Variants in ARHGAP6 observed in about 807,000 individuals in gnomAD.
ARHGAP6 encodes Rho GTPase activating protein 6.
A neutral mutation model predicts 55.7 loss-of-function variants in ARHGAP6; 16 were observed. The observed-to-expected ratio is 0.29, with a 90% CI of 0.19 to 0.44. The LOEUF (loss-of-function observed/expected upper bound fraction) is 0.44, where lower values mean the gene tolerates loss of function less well. Among genes scored for constraint, ARHGAP6 ranks in the 20% least tolerant of loss-of-function variants. The pLI, the probability that ARHGAP6 is intolerant of heterozygous loss-of-function variation, is 1.00. For synonymous variants in ARHGAP6, 382 were observed against 360.9 expected (o/e 1.06, Z -0.66); for missense variants, 698 against 808.9 (o/e 0.86, Z 1.66).
At chrX:11,299,314 A>T (rs2048139290) in intron 1 of ARHGAP6, among the ~76,000 whole-genome samples, 1 of 112,209 alleles carries the variant, frequency 8.9e-6, no homozygotes, top group Admixed American at 9.4e-5. Context: ...AGTTCTCCTT[A>T]TATTTCAAAG....
intron 1 of ARHGAP6, among the ~76,000 whole-genome samples, chrX:11,404,115 C>T (rs1387158687): frequency 1.8e-5 from 2 of 111,622 alleles, no homozygotes; most frequent in African/African-American, 6.5e-5. Context: ...CTTTAATTTC[C>T]ACCACTTAAC....
At chrX:11,347,252 T>C (rs998204765) in intron 1 of ARHGAP6, among the ~76,000 whole-genome samples, 27 of 112,373 alleles carry the variant, frequency 2.4e-4, no homozygotes, top group African/African-American at 8.1e-4. Context: ...ATTACTTCTA[T>C]AGGGAGTAAA....
intron 1 of ARHGAP6, among the ~76,000 whole-genome samples, chrX:11,592,926 C>T (rs1435038283): frequency 2.7e-5 from 3 of 111,473 alleles, no homozygotes; most frequent in African/African-American, 9.8e-5. Context: ...TCTATTACAG[C>T]ATATTTGTGC....
chrX:11,333,059 CGAA>C (rs1569303513), intron 1 of ARHGAP6, among the ~76,000 whole-genome samples: 1 of 111,916 alleles, frequency 8.9e-6, no homozygotes, highest in Non-Finnish European at 1.9e-5. Flanking sequence ...ACACAATCAT[CGAA>C]GAAGATGCTC....
intron 1 of ARHGAP6, among the ~76,000 whole-genome samples, chrX:11,321,047 T>A (rs183916334): frequency 4.2e-4 from 47 of 111,630 alleles, no homozygotes; most frequent in African/African-American, 1.5e-3. Flanking sequence ...TCAGCCAACA[T>A]TGAAATAAAG....
chrX:11,639,596 AT>A (rs1186525613), intron 1 of ARHGAP6, among the ~76,000 whole-genome samples: 1 of 111,515 alleles, frequency 9.0e-6, no homozygotes, highest in Non-Finnish European at 1.9e-5. Flanking sequence ...CCACAAAAAA[AT>A]ATGCCTTCTT....
intron 1 of ARHGAP6, among the ~76,000 whole-genome samples, chrX:11,530,924 C>T (rs3884621): frequency 0.1 from 11,207 of 110,891 alleles, 696 homozygotes; most frequent in African/African-American, 0.22. Context: ...CTTTGCAGTT[C>T]AATTATAGCA....
rs1556118499 is a variant in ARHGAP6, at chrX:11,590,853, A to AAG, written c.588+73387_588+73388insCT. ...AAAGAAAAGAAAAGAAAAGAAAAGA[A>AAG]AAGAAAAGAAAAGAAGGAAAGAAAG... On this transcript the variant is annotated intron_variant, in intron 1 of 12. Coordinates refer to ENST00000337414, the MANE Select transcript of ARHGAP6 (RefSeq NM_013427.3). Among the ~76,000 whole-genome samples, 21 of 42,395 alleles carry AAG rather than the reference A, an allele frequency of 5.0e-4. 4 individuals are homozygous for AAG. Among genetic ancestry groups the AAG allele is most frequent in the African/African-American group, 2.9e-3 (18 of 6,143 alleles). The allele number at this position is 42,395 out of a possible 115,157, so 36.8% of individuals were successfully genotyped here.
At chrX:11,629,390 G>A (rs1313608302) in intron 1 of ARHGAP6, among the ~76,000 whole-genome samples, 3 of 110,816 alleles carry the variant, frequency 2.7e-5, no homozygotes, top group East Asian at 5.6e-4. Context: ...GCTCTTTGTG[G>A]TCATTTTTCA....
At chrX:11,364,216 G>C (rs2049046805) in intron 1 of ARHGAP6, among the ~76,000 whole-genome samples, 1 of 110,269 alleles carries the variant, frequency 9.1e-6, no homozygotes, top group South Asian at 3.9e-4. Context: ...GTGGAGGGTG[G>C]GAGGAGAGTG....
chrX:11,573,392 C>T (rs1323953697), intron 1 of ARHGAP6, among the ~76,000 whole-genome samples: 1 of 110,583 alleles, frequency 9.0e-6, no homozygotes, highest in Non-Finnish European at 1.9e-5. Flanking sequence ...CCAGTTTCAG[C>T]CTTCTACATA....
At chrX:11,194,408 C>T (rs1309908762) in intron 3 of ARHGAP6, among the ~76,000 whole-genome samples, 2 of 111,731 alleles carry the variant, frequency 1.8e-5, no homozygotes, top group Non-Finnish European at 3.8e-5. Flanking sequence ...TAAAAACACC[C>T]ATGCCTGAGG....
At chrX:11,522,885 T>A (rs1436139778) in intron 1 of ARHGAP6, among the ~76,000 whole-genome samples, 1 of 111,818 alleles carries the variant, frequency 8.9e-6, no homozygotes, top group Admixed American at 9.5e-5. Flanking sequence ...ACTCATTTTA[T>A]GAGGCCAGCA....
intron 1 of ARHGAP6, chrX:11,296,767 T>C: frequency 4.1e-6 from 5 of 1,206,166 alleles, no homozygotes; most frequent in East Asian, 3.0e-5. Context: ...CCTCCCCTCC[T>C]CCCTGTAAAA....
intron 1 of ARHGAP6, among the ~76,000 whole-genome samples, chrX:11,290,740 C>T (rs1434147007): frequency 9.0e-6 from 1 of 111,506 alleles, no homozygotes; most frequent in Non-Finnish European, 1.9e-5. Flanking sequence ...CCTCATACCC[C>T]GAGTGCTGTT....
chrX:11,406,451 C>T (rs189942340), intron 1 of ARHGAP6, among the ~76,000 whole-genome samples: 56 of 111,118 alleles, frequency 5.0e-4, no homozygotes, highest in African/African-American at 1.1e-3. Flanking sequence ...TACAGCATTC[C>T]GCCTGAGCTT....
At chrX:11,427,445 C>T in intron 1 of ARHGAP6, 1 of 879,497 alleles carries the variant, frequency 1.1e-6, no homozygotes, top group Non-Finnish European at 1.4e-6. Context: ...CCCCCTCAGC[C>T]GTGGACCTGT....
chrX:11,322,934 A>AT (rs1362144867), intron 1 of ARHGAP6, among the ~76,000 whole-genome samples: 3 of 112,434 alleles, frequency 2.7e-5, no homozygotes, highest in Non-Finnish European at 5.6e-5. Flanking sequence ...CTTATATTAT[A>AT]TTTTGGATAA....
At chrX:11,182,697 G>A (rs751420986) in intron 5 of ARHGAP6, among the ~76,000 whole-genome samples, 4 of 95,561 alleles carry the variant, frequency 4.2e-5, no homozygotes, top group African/African-American at 8.0e-5. Context: ...GTACAGTGAC[G>A]TGATTACGGC....
Sources: gnomAD v4.1 joint callset for allele counts (sites outside exome capture counted in the v4.1 genomes callset) on GRCh38, gnomAD v4.1.1 for gene constraint, MANE v1.5 for transcripts, NCBI Gene and HGNC (gene_info 2026-07-23, HGNC 2026-07-21) for gene names.